Variants in CRMP1 observed in about 807,000 individuals in gnomAD.
The protein encoded by CRMP1 is dihydropyrimidinase-related protein 1.
CRMP1 carries 19 observed loss-of-function variants against 68.3 expected under a neutral mutation model. The observed-to-expected ratio is 0.28, with a 90% CI of 0.19 to 0.41. The LOEUF (loss-of-function observed/expected upper bound fraction) is 0.41, where lower values mean the gene tolerates loss of function less well. CRMP1 is among the 10% of genes least tolerant of loss of function. The probability of loss-of-function intolerance (pLI) is 1.00; values close to 1 mark genes in which losing one functional copy is unlikely to be tolerated. For synonymous variants in CRMP1, 439 were observed against 399.6 expected, an observed-to-expected ratio of 1.10 and a Z score of -1.18; for missense variants, 791 against 967.4, an observed-to-expected ratio of 0.82 and a Z score of 2.42.
At position 5,877,549 on chromosome 4, in the gene CRMP1, G is replaced by A. The variant is rs990323092; in HGVS notation, c.382-10793C>T. The stretch of plus-strand genomic sequence containing the variant: ...TGCCTTTGATTTTGCCTCCGGGGAC[G>A]ACAGCCTGTCAGCCAGTGGCCCTTT... On this transcript the variant is annotated intron_variant, in intron 1 of 13. Transcript: ENST00000324989. This position sits in a 1 kb window ranked among gnomAD's most constrained non-coding sequence, Gnocchi z 4.3. 6.6e-6 allele frequency among the ~76,000 whole-genome samples: 1 copy of A among 152,176 alleles called. No homozygotes were observed. The highest frequency in any genetic ancestry group is 2.4e-5 in the African/African-American group (1 of 41,432).
chr4:5,878,973 C>G (rs750666494), intron 1 of CRMP1, among the ~76,000 whole-genome samples: 2 of 152,126 alleles, frequency 1.3e-5, no homozygotes, highest in Non-Finnish European at 2.9e-5. Flanking sequence ...CCTCCCAATG[C>G]ACCTGCCCCA....
chr4:5,864,779 G>T (rs1450826142), intron 2 of CRMP1, among the ~76,000 whole-genome samples: 1 of 152,182 alleles, frequency 6.6e-6, no homozygotes, highest in Non-Finnish European at 1.5e-5. Flanking sequence ...CAGGGGAAAA[G>T]GTGTTCCAGG....
chr4:5,866,698 G>C lies in CRMP1; in HGVS notation c.440C>G (p.Ala147Gly), dbSNP rs1370732535. Residue 147 changes from alanine to glycine, a missense_variant, in exon 2 of 14, where the codon GCT becomes GGT. By Grantham distance (60) the Ala-to-Gly change is moderately conservative. Transcript: ENST00000324989. The surrounding 1 kb of genome is among the most constrained non-coding windows in gnomAD (Gnocchi z 5.9). ...RIINDDQSLY[A>G]DVYLEDGLIK... ...AAGTCCATCCTCCAGGTAGACGTCAGCATAAAGGGATTGGTCATCGTTGAT... is the reference window on the plus strand; with the variant it reads ...AAGTCCATCCTCCAGGTAGACGTCACCATAAAGGGATTGGTCATCGTTGAT... 6.2e-7 allele frequency: 1 copy of C among 1,613,092 alleles called. No individual in the cohort carries two copies. Among genetic ancestry groups the C allele is most frequent in the Non-Finnish European group, 8.5e-7 (1 of 1,179,868 alleles).
chr4:5,889,562 C>G lies in CRMP1; in HGVS notation c.381+3027G>C. ...AAGAAGATGGAGGAAAAGGGGGAGC[C>G]CCAGCAAGCCCCAACCTCACTGGAC... On this transcript the variant is annotated intron_variant, in intron 1 of 13. Coordinates refer to ENST00000324989, the MANE Select transcript of CRMP1 (RefSeq NM_001014809.3). This position sits in a 1 kb window ranked among gnomAD's most constrained non-coding sequence, Gnocchi z 4.5. 6.5e-7 allele frequency: 1 copy of G among 1,534,940 alleles called. No homozygotes were observed. Among genetic ancestry groups the G allele is most frequent in the Non-Finnish European group, 8.7e-7 (1 of 1,145,860 alleles).
In CRMP1 at chr4:5,825,787, C is replaced by T; in HGVS notation, c.1804-128G>A. ...CTTCAAATGTGCATGCACACACACACACAACACGCACACACGACAGGTGCA... is the reference window on the plus strand; with the variant it reads ...CTTCAAATGTGCATGCACACACACATACAACACGCACACACGACAGGTGCA... On this transcript the variant is annotated intron_variant, in intron 12 of 13. Transcript: ENST00000324989. This position sits in a 1 kb window ranked among gnomAD's most constrained non-coding sequence, Gnocchi z 4.4. 1 of 833,446 alleles carries T rather than the reference C, an allele frequency of 1.2e-6. No homozygotes were observed. Among genetic ancestry groups the T allele is most frequent in the Non-Finnish European group, 1.9e-6 (1 of 530,422 alleles). The allele number at this position is 833,446 out of a possible 1,614,324, so 51.6% of individuals were successfully genotyped here. A position where few individuals can be genotyped will look rare whatever the true frequency, so the allele number is the denominator to read the frequency against.
chr4:5,822,563 C>G (rs1304582651), intron 13 of CRMP1, among the ~76,000 whole-genome samples: 1 of 151,892 alleles, frequency 6.6e-6, no homozygotes, highest in African/African-American at 2.4e-5. Context: ...TCTACTTTTA[C>G]CTATTCTCTT....
chr4:5,838,314 C>T lies in CRMP1; in HGVS notation c.1310+1208G>A, dbSNP rs1176958630. Among the ~76,000 whole-genome samples, 1 of 152,036 alleles carries T rather than the reference C, an allele frequency of 6.6e-6. No individual in the cohort carries two copies. The highest frequency in any genetic ancestry group is 1.5e-5 in the Non-Finnish European group (1 of 68,002). On this transcript the variant is annotated intron_variant, in intron 9 of 13. Coordinates refer to ENST00000324989, the MANE Select transcript of CRMP1 (RefSeq NM_001014809.3). This position sits in a 1 kb window ranked among gnomAD's most constrained non-coding sequence, Gnocchi z 4.9. ...GGGAGGTTGGTCAGGGCGTGTGCAC[C>T]GGATTGAGTTCTGCCTTGTTGGATG...
chr4:5,822,502 G>A (rs566000824), intron 13 of CRMP1, among the ~76,000 whole-genome samples: 1 of 149,618 alleles, frequency 6.7e-6, no homozygotes, highest in Non-Finnish European at 1.5e-5. Context: ...AAGGGGGGGG[G>A]GGTGGTGTGC....
At position 5,842,927 on chromosome 4, in the gene CRMP1, G is replaced by C. The variant is rs1448899873; in HGVS notation, c.1032+166C>G. ...GCAGCACCTCTTCCTGTCTTCTCCA[G>C]CCAGCAGTCCCCAGGGTTCCCGGGG... On this transcript the variant is annotated intron_variant, in intron 7 of 13. Coordinates refer to ENST00000324989, the MANE Select transcript of CRMP1 (RefSeq NM_001014809.3). The surrounding 1 kb of genome is among the most constrained non-coding windows in gnomAD (Gnocchi z 4.5). Among the ~76,000 whole-genome samples the C allele has an allele frequency of 6.6e-6, 1 of 152,138 alleles. No homozygotes were observed. Among genetic ancestry groups the C allele is most frequent in the Non-Finnish European group, 1.5e-5 (1 of 68,028 alleles).
intron 10 of CRMP1, 59 bp from the exon 11 acceptor site, chr4:5,836,144 A>C: frequency 1.3e-5 from 17 of 1,350,358 alleles, no homozygotes; most frequent in Non-Finnish European, 1.6e-5. Context: ...GAGGAGGGGC[A>C]GCTGGGCACA....
At chr4:5,827,980 G>T in intron 12 of CRMP1, 1 of 944,936 alleles carries the variant, frequency 1.1e-6, no homozygotes, top group Non-Finnish European at 1.3e-6. Flanking sequence ...AATAAGGAAC[G>T]ACAGGGCAGA....
rs1357436485 is a variant in CRMP1, at chr4:5,855,616, CAA to C, written c.820+525_820+526del. Reference sequence around the variant, plus strand: ...GGGTTTGGCAGAAGAGCCAGACAGACAAACCATGTCCCATAATCCAGGAACAA... The same window carrying C: ...GGGTTTGGCAGAAGAGCCAGACAGACACCATGTCCCATAATCCAGGAACAA... On this transcript the variant is annotated intron_variant, in intron 4 of 13. Transcript: ENST00000324989. This position sits in a 1 kb window ranked among gnomAD's most constrained non-coding sequence, Gnocchi z 4.9. 2.0e-5 allele frequency among the ~76,000 whole-genome samples: 3 copies of C among 152,206 alleles called. No individual in the cohort carries two copies. Among genetic ancestry groups the C allele is most frequent in the Non-Finnish European group, 4.4e-5 (3 of 68,040 alleles).
intron 6 of CRMP1, among the ~76,000 whole-genome samples, chr4:5,845,870 G>C (rs549169491): frequency 1.3e-5 from 2 of 152,276 alleles, no homozygotes; most frequent in South Asian, 4.1e-4. Flanking sequence ...CCTCACAGGA[G>C]GCAAGAAGCA....
rs1404801290 is a variant in CRMP1 at position 5,856,192 on chromosome 4, G to A, written c.771C>T (p.Ser257=). 1.2e-6 allele frequency: 2 copies of A among 1,614,034 alleles called. No homozygotes were observed. The highest frequency in any genetic ancestry group is 1.7e-5 in the Admixed American group (1 of 60,014). The change falls in exon 4 of 14, where the codon AGC becomes AGT. Residue 257 remains serine (S), a synonymous_variant. Coordinates refer to ENST00000324989, the MANE Select transcript of CRMP1 (RefSeq NM_001014809.3). ...CDYSLHVDIT[S]WYDGVREELE... ...GCTCCTCCCGAACGCCATCGTACCA[G>A]CTTGTGATGTCCACGTGGAGGGAGT...
chr4:5,833,294 G>A (rs1720507854), intron 11 of CRMP1, among the ~76,000 whole-genome samples: 1 of 130,538 alleles, frequency 7.7e-6, no homozygotes, highest in East Asian at 2.1e-4. Flanking sequence ...AGCCTCCCGA[G>A]TAGCTGGGAC....
At position 5,839,689 on chromosome 4, in the gene CRMP1, G is replaced by A; in HGVS notation, c.1154-11C>T. ...CAAAAACTAGGGGCCCTTAGGAGGG[G>A]AAAACATAAGCCTGGTTAAAAGCAA... On this transcript the variant is annotated splice_polypyrimidine_tract_variant and intron_variant, in intron 8 of 13. Transcript: ENST00000324989. The A allele has an allele frequency of 6.5e-7, 1 of 1,549,352 alleles. No homozygotes were observed. Among genetic ancestry groups the A allele is most frequent in the Non-Finnish European group, 8.6e-7 (1 of 1,157,582 alleles).
Position 5,877,444 on chromosome 4 carries a change from C to T in CRMP1, c.382-10688G>A, listed in dbSNP as rs1714919073. On this transcript the variant is annotated intron_variant, in intron 1 of 13. Transcript: ENST00000324989. The surrounding 1 kb of genome is among the most constrained non-coding windows in gnomAD (Gnocchi z 4.3). ...GAGCCTTCCCCTTGAGCAAGCTCCCCACTCTGGCCTCCTTGCAACGGCAAG... is the reference window on the plus strand; with the variant it reads ...GAGCCTTCCCCTTGAGCAAGCTCCCTACTCTGGCCTCCTTGCAACGGCAAG... Among the ~76,000 whole-genome samples the T allele has an allele frequency of 6.6e-6, 1 of 152,216 alleles. No individual in the cohort carries two copies. Among genetic ancestry groups the T allele is most frequent in the Non-Finnish European group, 1.5e-5 (1 of 68,044 alleles).
Position 5,851,465 on chromosome 4 carries a change from G to A in CRMP1, c.825C>T (p.Val275=). The change falls in exon 5 of 14, where the codon GTC becomes GTT. Residue 275 remains valine (V), a synonymous_variant. Coordinates refer to ENST00000324989, the MANE Select transcript of CRMP1 (RefSeq NM_001014809.3). ...ELEVLVQDKG[V]NSFQVYMAYK... ...AGGCCATGTAGACTTGGAAGGAATT[G>A]ACGCCTGTTTCAAGATAGAAAGGAT... 6.2e-7 allele frequency: 1 copy of A among 1,614,052 alleles called. No individual in the cohort carries two copies.
Position 5,836,865 on chromosome 4 carries a change from C to T in CRMP1, c.1352G>A (p.Ser451Asn). Residue 451 changes from serine to asparagine, a missense_variant, in exon 10 of 14, where the codon AGC (serine) becomes AAC (asparagine). Ser to Asn is a conservative substitution (Grantham distance 46). This residue lies in a region of CRMP1 where 594 missense variants were observed against 763.6 expected (regional missense o/e 0.78). Transcript: ENST00000324989. ...QVTGSGHCPY[S>N]TAQKAVGKDN... ...CTTGCCCACCGCCTTCTGGGCAGTG[C>T]TGTAGGGACAGTGGCCGCTGCCTGT... is the stretch of plus-strand genomic sequence containing the variant. The T allele has an allele frequency of 6.2e-7, 1 of 1,613,944 alleles. No individual in the cohort carries two copies. The highest frequency in any genetic ancestry group is 8.5e-7 in the Non-Finnish European group (1 of 1,179,900).
Sources: allele counts gnomAD v4.1 joint callset (sites outside exome capture counted in the v4.1 genomes callset), GRCh38; gene constraint gnomAD v4.1.1; regional missense constraint gnomAD v4.1.1; non-coding constraint Gnocchi (gnomAD v3.1); transcripts MANE v1.5; gene names NCBI Gene and HGNC (gene_info 2026-07-23, HGNC 2026-07-21).